Variants in PRKG2 observed in about 807,000 individuals in gnomAD.
The protein encoded by PRKG2 is cGMP-dependent protein kinase 2.
Under a neutral mutation model 97.2 loss-of-function variants are expected in PRKG2, and 33 were observed. The ratio of observed to expected loss-of-function variants is 0.34; its 90% CI spans 0.26 to 0.45. PRKG2 has a LOEUF of 0.45. Ranked by LOEUF, PRKG2 falls within the 20% of genes least tolerant of loss-of-function variation. The pLI is 1.00. For missense variants in PRKG2, 638 were observed against 900.0 expected, an observed-to-expected ratio of 0.71 and a Z score of 3.73; for synonymous variants, 330 against 321.8, an observed-to-expected ratio of 1.03 and a Z score of -0.27.
intron 15 of PRKG2, among the ~76,000 whole-genome samples, chr4:81,106,270 A>G (rs1743326751): frequency 6.6e-6 from 1 of 152,194 alleles, no homozygotes; most frequent in Admixed American, 6.5e-5. Context: ...AATTGTGCAG[A>G]CGTATGAATA....
chr4:81,171,762 G>A lies in PRKG2; in HGVS notation c.671C>T (p.Ser224Phe). ...CCCAAATGTGGTCCACATAGGGATG[G>A]AGGACAGCAATTTCTCCCCTTGGAA... The part of the protein sequence containing the change: ...EVFQGEKLLS[S>F]IPMWTTFGEL... The change falls in exon 4 of 19, where the codon TCC (serine) becomes TTC (phenylalanine). Residue 224 changes from serine (S) to phenylalanine (F), a missense_variant. This residue lies in a region of PRKG2 where 332 missense variants were observed against 421.7 expected (regional missense o/e 0.79). Coordinates refer to ENST00000264399, the MANE Select transcript of PRKG2 (RefSeq NM_006259.3). 6.2e-7 allele frequency: 1 copy of A among 1,611,738 alleles called. No individual in the cohort carries two copies. The highest frequency in any genetic ancestry group is 8.5e-7 in the Non-Finnish European group (1 of 1,178,886).
At chr4:81,175,002 T>A in intron 2 of PRKG2, 43 bp from the exon 3 acceptor site, 3 of 1,501,840 alleles carry the variant, frequency 2.0e-6, no homozygotes, top group Non-Finnish European at 2.7e-6. Flanking sequence ...TTAATGAAAA[T>A]CATGTTTTAC....
chr4:81,099,048 G>A (rs1426723053), intron 17 of PRKG2, among the ~76,000 whole-genome samples: 1 of 152,166 alleles, frequency 6.6e-6, no homozygotes, highest in African/African-American at 2.4e-5. Flanking sequence ...TTCCTGTCAG[G>A]AAAGATGTCA....
chr4:81,089,935 A>C (rs1578315570), intron 18 of PRKG2, 132 bp from the exon 19 acceptor site: 2 of 699,126 alleles, frequency 2.9e-6, no homozygotes, highest in African/African-American at 1.8e-5. Context: ...ACAAGAAAAA[A>C]ATGACCAATT....
chr4:81,137,103 C>T (rs1201055476), intron 13 of PRKG2, among the ~76,000 whole-genome samples: 1 of 147,030 alleles, frequency 6.8e-6, no homozygotes, highest in Non-Finnish European at 1.5e-5. Context: ...GAATCAGAAA[C>T]ACCTGGGTTT....
At chr4:81,163,854 GATGTA>G in intron 6 of PRKG2, among the ~76,000 whole-genome samples, 1 of 139,756 alleles carries the variant, frequency 7.2e-6, no homozygotes, top group Non-Finnish European at 1.5e-5. Flanking sequence ...TATACAACCA[GATGTA>G]TAGTACACAC....
intron 1 of PRKG2, among the ~76,000 whole-genome samples, chr4:81,211,947 A>G (rs1169638604): frequency 6.6e-6 from 1 of 152,090 alleles, no homozygotes; most frequent in Non-Finnish European, 1.5e-5. Flanking sequence ...GTGGATAGGA[A>G]ACTGATACAT....
upstream of PRKG2, among the ~76,000 whole-genome samples, chr4:81,216,541 A>G (rs572871092): frequency 6.6e-6 from 1 of 152,324 alleles, no homozygotes; most frequent in South Asian, 2.1e-4. Flanking sequence ...CACTTTAAAA[A>G]AAAATTTCAG....
chr4:81,202,889 A>C lies in PRKG2; in HGVS notation c.461+1698T>G, dbSNP rs539526081. ...AAGTAATTGAACATAATCTTGGTTC[A>C]AGAGAATACATCTGGTGTCATATAT... On this transcript the variant is annotated intron_variant, in intron 2 of 18. Coordinates refer to ENST00000264399, the MANE Select transcript of PRKG2 (RefSeq NM_006259.3). Among the ~76,000 whole-genome samples, 5 of 152,218 alleles carry C rather than the reference A, an allele frequency of 3.3e-5. No homozygotes were observed. In the South Asian group the frequency reaches 6.2e-4, roughly 19 times the overall value.
intron 6 of PRKG2, among the ~76,000 whole-genome samples, chr4:81,165,299 TG>T (rs1749883820): frequency 6.6e-6 from 1 of 152,086 alleles, no homozygotes; most frequent in African/African-American, 2.4e-5. Flanking sequence ...ATCAATTACT[TG>T]GTGATGGGAA....
intron 12 of PRKG2, 81 bp downstream of exon 12, chr4:81,140,452 T>C: frequency 1.6e-6 from 2 of 1,257,482 alleles, no homozygotes; most frequent in Non-Finnish European, 1.0e-6. Flanking sequence ...AAATTAAAAA[T>C]AAAAATAAAA....
At chr4:81,173,034 T>G (rs890902273) in intron 3 of PRKG2, among the ~76,000 whole-genome samples, 1 of 152,154 alleles carries the variant, frequency 6.6e-6, no homozygotes, top group African/African-American at 2.4e-5. Flanking sequence ...GTTGATATCA[T>G]GAATCTTAAT....
chr4:81,121,289 G>A (rs1008731508), intron 14 of PRKG2, among the ~76,000 whole-genome samples: 1 of 151,788 alleles, frequency 6.6e-6, no homozygotes, highest in African/African-American at 2.4e-5. Context: ...GTCTGCTTTT[G>A]GTATTAGAGT....
At chr4:81,139,179 T>C (rs1483816309) in intron 12 of PRKG2, among the ~76,000 whole-genome samples, 1 of 152,136 alleles carries the variant, frequency 6.6e-6, no homozygotes, top group Admixed American at 6.6e-5. Flanking sequence ...ACAGAAAGAA[T>C]AACTATTAGA....
At chr4:81,100,893 C>T (rs976278658) in intron 17 of PRKG2, among the ~76,000 whole-genome samples, 6 of 151,914 alleles carry the variant, frequency 3.9e-5, no homozygotes, top group African/African-American at 1.5e-4. Flanking sequence ...AGCCCATCAA[C>T]AAGTGGGCGA....
intron 2 of PRKG2, among the ~76,000 whole-genome samples, chr4:81,179,911 G>A (rs903156780): frequency 8.5e-5 from 13 of 152,068 alleles, no homozygotes; most frequent in African/African-American, 3.1e-4. Flanking sequence ...GGAGGCTGAA[G>A]GCAAATGGAT....
intron 2 of PRKG2, among the ~76,000 whole-genome samples, chr4:81,188,142 C>A (rs1298478318): frequency 1.3e-5 from 2 of 152,106 alleles, no homozygotes; most frequent in Admixed American, 6.5e-5. Context: ...GGGCTAATTT[C>A]CAGAATCTAC....
intron 5 of PRKG2, among the ~76,000 whole-genome samples, chr4:81,167,986 C>T (rs911161228): frequency 6.6e-6 from 1 of 151,948 alleles, no homozygotes; most frequent in Non-Finnish European, 1.5e-5. Context: ...TTATAACTTA[C>T]ATATGTACTA....
At chr4:81,148,770 C>G (rs1156274855) in intron 9 of PRKG2, 114 bp downstream of exon 9, 1 of 889,508 alleles carries the variant, frequency 1.1e-6, no homozygotes, top group African/African-American at 1.7e-5. Context: ...CAGCTGAGAT[C>G]GGCCAGTATT....
Sources: allele counts gnomAD v4.1 joint callset (sites outside exome capture counted in the v4.1 genomes callset), GRCh38; gene constraint gnomAD v4.1.1; regional missense constraint gnomAD v4.1.1; transcripts MANE v1.5; gene names NCBI Gene and HGNC (gene_info 2026-07-23, HGNC 2026-07-21).